FGFR2: variants seen among roughly 807,000 people sequenced by gnomAD.
FGFR2 encodes fibroblast growth factor receptor 2.
FGFR2 carries 19 observed loss-of-function variants against 95.9 expected under a neutral mutation model. The ratio of observed to expected loss-of-function variants is 0.20; its 90% CI spans 0.14 to 0.29. The LOEUF (loss-of-function observed/expected upper bound fraction) is 0.29. Ranked by LOEUF, FGFR2 falls within the 10% of genes least tolerant of loss-of-function variation. FGFR2 has a pLI of 1.00. For missense variants in FGFR2, 707 were observed against 1,056.9 expected (o/e 0.67, Z 4.59); for synonymous variants, 392 against 393.3 (o/e 1.00, Z 0.04).
intron 6 of FGFR2, among the ~76,000 whole-genome samples, chr10:121,524,146 A>ACCCCCCCCCCC (rs1554933622): frequency 1.5e-5 from 2 of 136,892 alleles, no homozygotes; most frequent in African/African-American, 2.9e-5. Flanking sequence ...ACACACACAC[A>ACCCCCCCCCCC]CCCCAAGTTT....
chr10:121,572,784 A>C (rs934724559), intron 2 of FGFR2, among the ~76,000 whole-genome samples: 1 of 152,230 alleles, frequency 6.6e-6, no homozygotes, highest in African/African-American at 2.4e-5. Context: ...AGAGAAACTG[A>C]GGCAGGGGCT....
At chr10:121,515,783 A>G (rs891405496) in intron 8 of FGFR2, among the ~76,000 whole-genome samples, 2 of 151,112 alleles carry the variant, frequency 1.3e-5, no homozygotes, top group Non-Finnish European at 2.9e-5. Context: ...AAGACTCCAC[A>G]GGATAATTTA....
intron 9 of FGFR2, among the ~76,000 whole-genome samples, chr10:121,514,583 C>G (rs770220401): frequency 6.6e-6 from 1 of 152,110 alleles, no homozygotes; most frequent in Admixed American, 6.5e-5. Context: ...AGAGGTTAAG[C>G]CAAAATTCTG....
At chr10:121,520,209 G>A (rs375141604) in intron 6 of FGFR2, 40 bp from the exon 7 acceptor site, 64 of 1,580,980 alleles carry the variant, frequency 4.0e-5, no homozygotes, top group Admixed American at 5.4e-5. Flanking sequence ...GGGGATGGGA[G>A]AATGAGAGAC....
rs772014466 is a variant in FGFR2, at chr10:121,515,252, C to T, written c.1152G>A (p.Gly384=). Residue 384 remains glycine (G), a synonymous_variant, in exon 9 of 18, where the codon GGG becomes GGA. Transcript: ENST00000358487. The stretch of plus-strand genomic sequence containing the variant: ...CCACCATACAGGCGATTAAGAAGAC[C>T]CCTATGCAGTAAATGGCTATCTCCA... ...DYLEIAIYCI[G]VFLIACMVVT... 2 of 1,613,956 alleles carry T rather than the reference C, an allele frequency of 1.2e-6. No individual in the cohort carries two copies. Among genetic ancestry groups the T allele is most frequent in the African/African-American group, 1.3e-5 (1 of 74,872 alleles).
At chr10:121,529,549 T>G (rs1851823891) in intron 6 of FGFR2, among the ~76,000 whole-genome samples, 1 of 152,246 alleles carries the variant, frequency 6.6e-6, no homozygotes, top group Non-Finnish European at 1.5e-5. Context: ...ATTCAATGTT[T>G]GTCTCTCAAA....
In FGFR2 at chr10:121,498,500, T is replaced by C; in HGVS notation, c.1667A>G (p.Gln556Arg). 6.3e-7 allele frequency: 1 copy of C among 1,585,830 alleles called. No individual in the cohort carries two copies. Reference protein sequence around the residue: ...NIINLLGACTQDGPLYVIVEY... With the variant: ...NIINLLGACTRDGPLYVIVEY... ...CAGTTTTTCCTCCTACTCACCATCC[T>C]GTGTGCAGGCTCCAAGAAGATTTAT... The change falls in exon 12 of 18, where the codon CAG (glutamine) becomes CGG (arginine). Residue 556 changes from glutamine to arginine, a missense_variant. Physicochemically the swap from Gln to Arg is conservative, Grantham distance 43. Around this residue, in one of 7 missense-constraint regions of FGFR2, gnomAD observed 194 missense variants for 267.3 expected, o/e 0.73. Coordinates refer to ENST00000358487, the MANE Select transcript of FGFR2 (RefSeq NM_000141.5).
chr10:121,574,763 GTTCT>G (rs1859442757), intron 2 of FGFR2, among the ~76,000 whole-genome samples: 1 of 152,154 alleles, frequency 6.6e-6, no homozygotes, highest in African/African-American at 2.4e-5. Flanking sequence ...GGTACTACGT[GTTCT>G]TTAAGGGGGC....
intron 2 of FGFR2, among the ~76,000 whole-genome samples, chr10:121,590,966 C>T (rs140874696): frequency 1.8e-4 from 28 of 151,982 alleles, no homozygotes; most frequent in Admixed American, 5.2e-4. Flanking sequence ...GGCACAGGCA[C>T]GCACGCACGC....
At chr10:121,592,041 T>G (rs182483375) in intron 2 of FGFR2, among the ~76,000 whole-genome samples, 1 of 152,164 alleles carries the variant, frequency 6.6e-6, no homozygotes, top group Non-Finnish European at 1.5e-5. Flanking sequence ...TGAAATAAAC[T>G]CACAATAACG....
chr10:121,529,526 C>A (rs1435243993), intron 6 of FGFR2, among the ~76,000 whole-genome samples: 1 of 152,172 alleles, frequency 6.6e-6, no homozygotes, highest in Non-Finnish European at 1.5e-5. Context: ...CCAAAAGATC[C>A]TACTAGAATA....
In FGFR2 at chr10:121,501,178, G is replaced by A. The variant is rs3135782; in HGVS notation, c.1440-231C>T. Among the ~76,000 whole-genome samples, 2,443 of 152,192 alleles carry A rather than the reference G, an allele frequency of 0.016. 83 individuals carry two copies. The highest frequency in any genetic ancestry group is 0.079 in the Admixed American group (1,200 of 15,276). Reference sequence around the variant, plus strand: ...TATTAAATTTCACATTGGTATTCTCGGTTTATTTTCTTTAGGGAAGGTATC... The same window carrying A: ...TATTAAATTTCACATTGGTATTCTCAGTTTATTTTCTTTAGGGAAGGTATC... On this transcript the variant is annotated intron_variant, in intron 10 of 17. Transcript: ENST00000358487.
chr10:121,500,754 T>C lies in FGFR2; in HGVS notation c.1561+72A>G, dbSNP rs28702981. 2,431 of 1,600,078 alleles carry C rather than the reference T, an allele frequency of 1.5e-3. 25 individuals carry two copies. The African/African-American group carries it at 0.027, about 18-fold the overall frequency. ...ACCCCGTGCCATGATAGAGTTCACA[T>C]GCCACAAAAGGAACTTTCTTGATAA... On this transcript the variant is annotated intron_variant, in intron 11 of 17. Coordinates refer to ENST00000358487, the MANE Select transcript of FGFR2 (RefSeq NM_000141.5).
Position 121,574,531 on chromosome 10 carries a change from AAATAAT to A in FGFR2, c.110-8833_110-8828del, listed in dbSNP as rs560459844. Reference sequence around the variant, plus strand: ...GTGACAGAACTAAACTCCATCTCAAAAATAATAATAATAATAATAATTAAATTAAAA... The same window carrying A: ...GTGACAGAACTAAACTCCATCTCAAAAATAATAATAATAATTAAATTAAAA... On this transcript the variant is annotated intron_variant, in intron 2 of 17. Coordinates refer to ENST00000358487, the MANE Select transcript of FGFR2 (RefSeq NM_000141.5). Among the ~76,000 whole-genome samples, 7 of 151,688 alleles carry A rather than the reference AAATAAT, an allele frequency of 4.6e-5. No homozygotes were observed. The South Asian group carries it at 1.0e-3, about 23-fold the overall frequency.
rs1409365998 is a variant in FGFR2 at position 121,517,263 on chromosome 10, T to C, written c.1084+56A>G. On this transcript the variant is annotated intron_variant, in intron 8 of 17. Transcript: ENST00000358487. The surrounding 1 kb of genome is among the most constrained non-coding windows in gnomAD (Gnocchi z 4.7). ...CTGATAACAGAAGCTGTGTTAATTT[T>C]ATAGCAGTCAACCAAGAAAAGGGAA... The C allele has an allele frequency of 3.2e-6, 5 of 1,576,234 alleles. No homozygotes were observed. In the South Asian group the frequency reaches 3.3e-5, roughly 10 times the overall value.
In FGFR2 at chr10:121,496,696, C is replaced by A. The variant is rs951260912; in HGVS notation, c.1699G>T (p.Ala567Ser). 1 of 1,611,706 alleles carries A rather than the reference C, an allele frequency of 6.2e-7. No homozygotes were observed. Among genetic ancestry groups the A allele is most frequent in the Non-Finnish European group, 8.5e-7 (1 of 1,179,878 alleles). ...TATTCTCGGAGGTTGCCTTTAGAGGCATACTCAACTATGACATAGAGAGGC... is the reference window on the plus strand; with the variant it reads ...TATTCTCGGAGGTTGCCTTTAGAGGAATACTCAACTATGACATAGAGAGGC... ...DGPLYVIVEYASKGNLREYLR... is the reference protein window; with the variant it reads ...DGPLYVIVEYSSKGNLREYLR... Residue 567 changes from alanine (A) to serine (S), a missense_variant, in exon 13 of 18, where the codon GCC becomes TCC. Ala to Ser is a moderately conservative substitution (Grantham distance 99). Coordinates refer to ENST00000358487, the MANE Select transcript of FGFR2 (RefSeq NM_000141.5).
At chr10:121,536,491 G>A (rs929959258) in intron 6 of FGFR2, among the ~76,000 whole-genome samples, 4 of 152,060 alleles carry the variant, frequency 2.6e-5, no homozygotes, top group African/African-American at 9.7e-5. Context: ...TACACTCCAC[G>A]CTCTCTCTAC....
At chr10:121,538,520 G>C (rs756549178) in intron 6 of FGFR2, 72 bp downstream of exon 6, 1 of 1,601,090 alleles carries the variant, frequency 6.2e-7, no homozygotes, top group Non-Finnish European at 8.6e-7. Context: ...AGGACTTAAC[G>C]TTCATGCTTT....
intron 4 of FGFR2, among the ~76,000 whole-genome samples, chr10:121,555,292 G>A (rs538010654): frequency 6.6e-6 from 1 of 152,266 alleles, no homozygotes; most frequent in Admixed American, 6.5e-5. Flanking sequence ...AGAATTGCTT[G>A]AACCCAGGAG....
Sources: gnomAD v4.1 joint callset for allele counts (sites outside exome capture counted in the v4.1 genomes callset) on GRCh38, gnomAD v4.1.1 for gene constraint, gnomAD v4.1.1 regional missense constraint, Gnocchi (gnomAD v3.1) non-coding constraint, MANE v1.5 for transcripts, NCBI Gene and HGNC (gene_info 2026-07-23, HGNC 2026-07-21) for gene names.